Variants in CAPZA1 observed in about 807,000 individuals in gnomAD.
CAPZA1 encodes F-actin-capping protein subunit alpha-1.
CAPZA1 carries 10 observed loss-of-function variants against 40.8 expected under a neutral mutation model. The observed-to-expected ratio is 0.25, with a 90% CI of 0.15 to 0.42. CAPZA1 has a LOEUF of 0.42. CAPZA1 is among the 10% of genes least tolerant of loss of function. The probability of loss-of-function intolerance (pLI) is 1.00; values close to 1 mark genes in which losing one functional copy is unlikely to be tolerated. For missense variants in CAPZA1, 277 were observed against 353.8 expected (o/e 0.78, Z 1.74); for synonymous variants, 98 against 115.0 (o/e 0.85, Z 0.95).
intron 7 of CAPZA1, among the ~76,000 whole-genome samples, chr1:112,660,230 A>C (rs533245400): frequency 6.6e-6 from 1 of 151,984 alleles, no homozygotes; most frequent in Non-Finnish European, 1.5e-5. Flanking sequence ...GGTGTTTTGG[A>C]ATATAAATAG....
chr1:112,658,806 G>A (rs1020385792), intron 5 of CAPZA1, among the ~76,000 whole-genome samples: 3 of 152,114 alleles, frequency 2.0e-5, no homozygotes, highest in African/African-American at 4.8e-5. Flanking sequence ...CAAACCAAGA[G>A]CAGTATTTCC....
chr1:112,639,028 T>A (rs979031419), intron 1 of CAPZA1, among the ~76,000 whole-genome samples: 5 of 149,188 alleles, frequency 3.4e-5, no homozygotes, highest in Non-Finnish European at 7.4e-5. Context: ...TAATTATATG[T>A]ATTATGTCTA....
At chr1:112,645,069 G>C (rs1175993795) in intron 1 of CAPZA1, among the ~76,000 whole-genome samples, 1 of 152,186 alleles carries the variant, frequency 6.6e-6, no homozygotes, top group Non-Finnish European at 1.5e-5. Context: ...TGGGACCATA[G>C]ATGCAGAGTG....
At chr1:112,622,055 C>T (rs1287904240) in intron 1 of CAPZA1, among the ~76,000 whole-genome samples, 1 of 152,050 alleles carries the variant, frequency 6.6e-6, no homozygotes, top group African/African-American at 2.4e-5. Context: ...GCCACCGAGC[C>T]CAGCCAGTAT....
intron 1 of CAPZA1, among the ~76,000 whole-genome samples, chr1:112,631,335 G>C (rs1413630106): frequency 6.6e-6 from 1 of 152,166 alleles, no homozygotes; most frequent in Non-Finnish European, 1.5e-5. Context: ...TATTTGCTTA[G>C]GGAAGAAAAT....
At chr1:112,640,643 G>C (rs1671135968) in intron 1 of CAPZA1, among the ~76,000 whole-genome samples, 2 of 151,948 alleles carry the variant, frequency 1.3e-5, no homozygotes, top group African/African-American at 4.8e-5. Context: ...TCCGGGACGT[G>C]AGGGGTGCCT....
intron 3 of CAPZA1, among the ~76,000 whole-genome samples, chr1:112,651,060 C>T (rs956390908): frequency 6.6e-6 from 1 of 152,062 alleles, no homozygotes; most frequent in Non-Finnish European, 1.5e-5. Flanking sequence ...GGCCATAGTC[C>T]TCATAGTAAC....
At chr1:112,634,957 A>T (rs1283214063) in intron 1 of CAPZA1, among the ~76,000 whole-genome samples, 1 of 152,174 alleles carries the variant, frequency 6.6e-6, no homozygotes, top group Non-Finnish European at 1.5e-5. Flanking sequence ...TTTCCTTTAC[A>T]TCTTCTTATT....
intron 1 of CAPZA1, among the ~76,000 whole-genome samples, chr1:112,623,181 G>A (rs138884925): frequency 2.5e-3 from 374 of 152,212 alleles, no homozygotes; most frequent in African/African-American, 8.4e-3. Flanking sequence ...CACTGCACCT[G>A]CCAAATATTT....
intron 1 of CAPZA1, chr1:112,634,697 A>AT (rs921747387): frequency 2.6e-5 from 4 of 152,138 alleles, no homozygotes; most frequent in African/African-American, 4.8e-5. Context: ...CTTTACAACA[A>AT]TTTTTTTAAA....
intron 7 of CAPZA1, among the ~76,000 whole-genome samples, chr1:112,660,773 G>A (rs1671590722): frequency 6.7e-6 from 1 of 149,904 alleles, no homozygotes; most frequent in South Asian, 2.1e-4. Context: ...GAGAAGATCA[G>A]TACCTAATCG....
intron 1 of CAPZA1, among the ~76,000 whole-genome samples, chr1:112,632,912 A>G (rs1392778604): frequency 2.0e-5 from 3 of 152,206 alleles, no homozygotes; most frequent in Non-Finnish European, 2.9e-5. Flanking sequence ...TCTATTTTTT[A>G]TAATGTTGAT....
At chr1:112,640,927 A>G (rs1028073378) in intron 1 of CAPZA1, among the ~76,000 whole-genome samples, 13 of 152,162 alleles carry the variant, frequency 8.5e-5, no homozygotes, top group Admixed American at 7.9e-4. Context: ...CTTACCCCCA[A>G]CCCTGTGCTC....
rs56343358 is a variant in CAPZA1 at position 112,656,440 on chromosome 1, ATTTTTTTTTTT to A, written c.426+1785_426+1795del. On this transcript the variant is annotated intron_variant, in intron 5 of 9. Coordinates refer to ENST00000263168, the MANE Select transcript of CAPZA1 (RefSeq NM_006135.3). Reference sequence around the variant, plus strand: ...GTTAGGCTAGGTGTCATTATGTTTGATTTTTTTTTTTTTTTTTTTTTTTTTTAATGAGAATA... The same window carrying A: ...GTTAGGCTAGGTGTCATTATGTTTGATTTTTTTTTTTTTTTAATGAGAATA... Among the ~76,000 whole-genome samples, 13 of 45,768 alleles carry A rather than the reference ATTTTTTTTTTT, an allele frequency of 2.8e-4. 1 individual carries two copies. The highest frequency in any genetic ancestry group is 3.4e-3 in the South Asian group (2 of 586). The allele number at this position is 45,768 out of a possible 152,430, so 30.0% of individuals were successfully genotyped here.
intron 1 of CAPZA1, among the ~76,000 whole-genome samples, chr1:112,632,156 T>G (rs926091000): frequency 1.3e-5 from 2 of 152,008 alleles, no homozygotes; most frequent in Non-Finnish European, 2.9e-5. Context: ...AATACAAAAA[T>G]TAGCAGAGCC....
At chr1:112,619,967 T>C (rs1393363434) in intron 1 of CAPZA1, 84 bp downstream of exon 1, 10 of 1,136,150 alleles carry the variant, frequency 8.8e-6, no homozygotes, top group Non-Finnish European at 1.3e-5. Context: ...CCTAGCAGTG[T>C]CCCCAGGAAA....
chr1:112,627,636 C>CAAAAAA lies in CAPZA1; in HGVS notation c.39+7778_39+7783dup, dbSNP rs3034524. On this transcript the variant is annotated intron_variant, in intron 1 of 9. Transcript: ENST00000263168. ...TGGCCGACAGTGCGAGACTCTGTCT[C>CAAAAAA]AAAAAAAAAAAAAAAAAAAAAAAAA... 1.3e-3 allele frequency among the ~76,000 whole-genome samples: 65 copies of CAAAAAA among 50,778 alleles called. 1 individual carries two copies. Among genetic ancestry groups the CAAAAAA allele is most frequent in the African/African-American group, 4.2e-3 (51 of 12,148 alleles). The allele number at this position is 50,778 out of a possible 152,430, so 33.3% of individuals were successfully genotyped here.
intron 1 of CAPZA1, among the ~76,000 whole-genome samples, chr1:112,643,491 A>G (rs1553179569): frequency 6.6e-6 from 1 of 152,222 alleles, no homozygotes; most frequent in Non-Finnish European, 1.5e-5. Flanking sequence ...GGTAGTCCAC[A>G]TACCAACTTT....
intron 1 of CAPZA1, among the ~76,000 whole-genome samples, chr1:112,641,390 G>C (rs1671159325): frequency 6.6e-6 from 1 of 151,944 alleles, no homozygotes; most frequent in South Asian, 2.1e-4. Flanking sequence ...GCTATACATA[G>C]GTGTAAATAT....
Sources: gnomAD v4.1 joint callset for allele counts (sites outside exome capture counted in the v4.1 genomes callset) on GRCh38, gnomAD v4.1.1 for gene constraint, MANE v1.5 for transcripts, NCBI Gene and HGNC (gene_info 2026-07-23, HGNC 2026-07-21) for gene names.